Variants in HCN4 observed in about 807,000 individuals in gnomAD.
HCN4 encodes the protein hyperpolarization activated cyclic nucleotide gated potassium channel 4, also known as potassium/sodium hyperpolarization-activated cyclic nucleotide-gated channel 4.
Under a neutral mutation model 76.9 loss-of-function variants are expected in HCN4, and 29 were observed. The observed-to-expected ratio is 0.38, with a 90% confidence interval of 0.28 to 0.51. The LOEUF (loss-of-function observed/expected upper bound fraction) is 0.51. Among genes scored for constraint, HCN4 ranks in the 20% least tolerant of loss-of-function variants. The pLI is 0.90. For missense variants in HCN4, 1,416 were observed against 1,715.2 expected, an observed-to-expected ratio of 0.83 and a Z score of 3.08; for synonymous variants, 772 against 762.5, an observed-to-expected ratio of 1.01 and a Z score of -0.21.
At chr15:73,337,976 A>G (rs920512176) in intron 2 of HCN4, among the ~76,000 whole-genome samples, 40 of 152,306 alleles carry the variant, frequency 2.6e-4, no homozygotes, top group African/African-American at 7.7e-4. Context: ...GGTGTGTTTC[A>G]GGTGGTTTTT....
rs374218433 is a variant in HCN4 at position 73,333,168 on chromosome 15, T to C, written c.1210-876A>G. ...GCAGTGTAGCTGGACAGGGCCAAGG[T>C]GGGCATATCCCAGCCCCTCCTCCTC... On this transcript the variant is annotated intron_variant, in intron 2 of 7. Coordinates refer to ENST00000261917, the MANE Select transcript of HCN4 (RefSeq NM_005477.3). Among the ~76,000 whole-genome samples, 8 of 152,252 alleles carry C rather than the reference T, an allele frequency of 5.3e-5. No homozygotes were observed. In the East Asian group the frequency reaches 1.5e-3, roughly 29 times the overall value.
In HCN4 at chr15:73,356,513, C is replaced by T. The variant is rs1047496006; in HGVS notation, c.785+10973G>A. On this transcript the variant is annotated intron_variant, in intron 1 of 7. Coordinates refer to ENST00000261917, the MANE Select transcript of HCN4 (RefSeq NM_005477.3). ...CAGGAGTGAGCCACAGTGCCTGACC[C>T]GGGGCAGAACTTCTTAAGGCAGGCA... Among the ~76,000 whole-genome samples, 3 of 151,358 alleles carry T rather than the reference C, an allele frequency of 2.0e-5. 1 individual carries two copies. Among genetic ancestry groups the T allele is most frequent in the South Asian group, 4.2e-4 (2 of 4,800 alleles).
At chr15:73,349,668 C>T (rs1567790538) in intron 1 of HCN4, among the ~76,000 whole-genome samples, 1 of 152,168 alleles carries the variant, frequency 6.6e-6, no homozygotes, top group African/African-American at 2.4e-5. Context: ...CTTAAGTGAA[C>T]CCTAGTTGTG....
intron 1 of HCN4, among the ~76,000 whole-genome samples, chr15:73,366,199 C>G (rs1309227034): frequency 6.6e-6 from 1 of 152,176 alleles, no homozygotes; most frequent in African/African-American, 2.4e-5. Flanking sequence ...GGGAGGGGCT[C>G]TGTTCACTAC....
intron 1 of HCN4, among the ~76,000 whole-genome samples, chr15:73,354,255 T>C (rs1320653750): frequency 1.3e-5 from 2 of 152,238 alleles, no homozygotes; most frequent in African/African-American, 4.8e-5. Flanking sequence ...TCTTCTAAGG[T>C]ACCTCCCCAT....
Position 73,325,126 on chromosome 15 carries a change from A to T in HCN4, c.1807T>A (p.Phe603Ile). ...AGCTTGGTCAGCATGGACGTCACGAAGTTGGGGTCCGCATTGGCAAACAGT... is the reference window on the plus strand; with the variant it reads ...AGCTTGGTCAGCATGGACGTCACGATGTTGGGGTCCGCATTGGCAAACAGT... ...MPLFANADPN[F>I]VTSMLTKLRF... Residue 603 changes from phenylalanine to isoleucine, a missense_variant, in exon 6 of 8, where the codon TTC (phenylalanine) becomes ATC (isoleucine). By Grantham distance (21) the Phe-to-Ile change is conservative. This residue lies in a region of HCN4 where 241 missense variants were observed against 379.4 expected (regional missense o/e 0.64). Transcript: ENST00000261917. The surrounding 1 kb of genome is among the most constrained non-coding windows in gnomAD (Gnocchi z 7.4). The T allele has an allele frequency of 6.2e-7, 1 of 1,614,194 alleles. No individual in the cohort carries two copies.
rs549753996 is a variant in HCN4, at chr15:73,368,014, T to C, written c.257A>G (p.Lys86Arg). 5 of 1,418,030 alleles carry C rather than the reference T, an allele frequency of 3.5e-6. No individual in the cohort carries two copies. In the East Asian group the frequency reaches 9.2e-5, roughly 26 times the overall value. The allele number at this position is 1,418,030 out of a possible 1,614,324, so 87.8% of individuals were successfully genotyped here. Reference sequence around the variant, plus strand: ...CCTGCAGTCGCCGTTCGTGCTGGACTTGCCCGCGCCGCGGGCCGGCCCTTC... The same window carrying C: ...CCTGCAGTCGCCGTTCGTGCTGGACCTGCCCGCGCCGCGGGCCGGCCCTTC... ...DSEGPARGAGKSSTNGDCRRF... is the reference protein window; with the variant it reads ...DSEGPARGAGRSSTNGDCRRF... Residue 86 changes from lysine (K) to arginine (R), a missense_variant, in exon 1 of 8, where the codon AAG becomes AGG. Transcript: ENST00000261917. The surrounding 1 kb of genome is among the most constrained non-coding windows in gnomAD (Gnocchi z 6.9).
chr15:73,367,620 C>A lies in HCN4; in HGVS notation c.651G>T (p.Gln217His), dbSNP rs1323141666. Residue 217 changes from glutamine (Q) to histidine (H), a missense_variant, in exon 1 of 8, where the codon CAG (glutamine) becomes CAT (histidine). Around this residue, in one of 6 missense-constraint regions of HCN4, gnomAD observed 355 missense variants for 347.8 expected, o/e 1.02. Transcript: ENST00000261917. The surrounding 1 kb of genome is among the most constrained non-coding windows in gnomAD (Gnocchi z 7.5). ...CCCCGGGTTGGAGCATGGCCCCGAA[C>A]TGGCGCTGCATGAAGCCGGCCTGGC... is the stretch of plus-strand genomic sequence containing the variant. ...RLGQAGFMQR[Q>H]FGAMLQPGVN... is the part of the protein sequence containing the mutation. 6.2e-7 allele frequency: 1 copy of A among 1,613,140 alleles called. No homozygotes were observed. Among genetic ancestry groups the A allele is most frequent in the Non-Finnish European group, 8.5e-7 (1 of 1,180,000 alleles).
At chr15:73,341,157 A>T (rs999923152) in intron 2 of HCN4, 4 of 151,230 alleles carry the variant, frequency 2.6e-5, no homozygotes, top group African/African-American at 4.9e-5. Context: ...TATTTTTTTG[A>T]GACGGAGTTT....
chr15:73,322,535 C>T lies in HCN4; in HGVS notation c.3558G>A (p.Arg1186=). The T allele has an allele frequency of 1.9e-6, 3 of 1,605,208 alleles. No individual in the cohort carries two copies. The highest frequency in any genetic ancestry group is 2.6e-6 in the Non-Finnish European group (3 of 1,176,122). ...CTGGCTCAGGCCTGGCCCCAGGTTCCCTCTGGGGTCCAGCAGTCAGAGGGG... is the reference window on the plus strand; with the variant it reads ...CTGGCTCAGGCCTGGCCCCAGGTTCTCTCTGGGGTCCAGCAGTCAGAGGGG... ...GGPPLTAGPQ[R]EPGARPEPVR... The change falls in exon 8 of 8, where the codon AGG becomes AGA. Residue 1186 remains arginine, a synonymous_variant. Coordinates refer to ENST00000261917, the MANE Select transcript of HCN4 (RefSeq NM_005477.3).
chr15:73,350,271 T>C (rs867318012), intron 1 of HCN4, among the ~76,000 whole-genome samples: 13 of 152,176 alleles, frequency 8.5e-5, no homozygotes, highest in Admixed American at 3.3e-4. Context: ...TTAACTCCCA[T>C]GCCCCTCCTC....
At chr15:73,332,098 G>A (rs1184805948) in intron 3 of HCN4, 33 bp downstream of exon 3, 1 of 1,609,380 alleles carries the variant, frequency 6.2e-7, no homozygotes, top group Admixed American at 1.7e-5. Flanking sequence ...CCCGCCTATG[G>A]CCCAGAGAGA....
rs146732972 is a variant in HCN4 at position 73,323,883 on chromosome 15, T to C, written c.2210A>G (p.Gln737Arg). The C allele has an allele frequency of 1.2e-4, 191 of 1,604,082 alleles. No individual in the cohort carries two copies. The African/African-American group carries it at 1.5e-3, about 13-fold the overall frequency. The change falls in exon 8 of 8, where the codon CAG becomes CGG. Residue 737 changes from glutamine (Q) to arginine (R), a missense_variant. Around this residue, in one of 6 missense-constraint regions of HCN4, gnomAD observed 241 missense variants for 379.4 expected, o/e 0.64. Transcript: ENST00000261917. Reference sequence around the variant, plus strand: ...AATCTGCTGGATGATCTCATTCTCCTGGTAGTTGAAGACGCCGGAGTTGAG... The same window carrying C: ...AATCTGCTGGATGATCTCATTCTCCCGGTAGTTGAAGACGCCGGAGTTGAG... The part of the protein sequence containing the change: ...HDLNSGVFNY[Q>R]ENEIIQQIVQ...
chr15:73,330,102 C>T (rs896980373), intron 3 of HCN4, among the ~76,000 whole-genome samples: 11 of 152,110 alleles, frequency 7.2e-5, no homozygotes, highest in African/African-American at 1.4e-4. Flanking sequence ...GCAAAGGCCC[C>T]GGGCTGAGCC....
Position 73,328,189 on chromosome 15 carries a change from G to A in HCN4, c.1590+1384C>T, listed in dbSNP as rs928838053. Among the ~76,000 whole-genome samples the A allele has an allele frequency of 1.2e-4, 18 of 152,056 alleles. No individual in the cohort carries two copies. Among genetic ancestry groups the A allele is most frequent in the African/African-American group, 2.7e-4 (11 of 41,404 alleles). On this transcript the variant is annotated intron_variant, in intron 4 of 7. Transcript: ENST00000261917. This position sits in a 1 kb window ranked among gnomAD's most constrained non-coding sequence, Gnocchi z 4.0. ...GTGAGGGGCTGGCCAGGTCACAGAC[G>A]GCTTCTCTAAGTGGTGAGGCTGGAC...
chr15:73,323,402 A>C lies in HCN4; in HGVS notation c.2691T>G (p.Ala897=). 1 of 1,598,806 alleles carries C rather than the reference A, an allele frequency of 6.3e-7. No homozygotes were observed. The highest frequency in any genetic ancestry group is 8.5e-7 in the Non-Finnish European group (1 of 1,173,522). ...CGSPSAPTPS[A]GVAATTIAGF... ...CGGCTATGGTGGTGGCGGCTACGCC[A>C]GCTGATGGTGTGGGAGCCGAGGGGG... The change falls in exon 8 of 8, where the codon GCT becomes GCG. Residue 897 remains alanine, a synonymous_variant. Coordinates refer to ENST00000261917, the MANE Select transcript of HCN4 (RefSeq NM_005477.3).
intron 1 of HCN4, among the ~76,000 whole-genome samples, chr15:73,345,983 T>A (rs945473630): frequency 6.6e-6 from 1 of 152,184 alleles, no homozygotes; most frequent in Non-Finnish European, 1.5e-5. Flanking sequence ...AGAGAGTAAT[T>A]AACAGGAGAA....
At chr15:73,353,047 T>TGGAC (rs1168950053) in intron 1 of HCN4, among the ~76,000 whole-genome samples, 80 of 138,898 alleles carry the variant, frequency 5.8e-4, no homozygotes, top group African/African-American at 7.2e-4. Flanking sequence ...GATGGATGGA[T>TGGAC]GGACGGACGG....
intron 1 of HCN4, among the ~76,000 whole-genome samples, chr15:73,356,952 A>T (rs1200071777): frequency 1.3e-5 from 2 of 152,074 alleles, no homozygotes; most frequent in Non-Finnish European, 2.9e-5. Context: ...GCAAATGCAG[A>T]GCAATCAGAG....
Sources: gnomAD v4.1 joint callset for allele counts (sites outside exome capture counted in the v4.1 genomes callset) on GRCh38, gnomAD v4.1.1 for gene constraint, gnomAD v4.1.1 regional missense constraint, Gnocchi (gnomAD v3.1) non-coding constraint, MANE v1.5 for transcripts, NCBI Gene and HGNC (gene_info 2026-07-23, HGNC 2026-07-21) for gene names.